Variants in ATRNL1 observed in about 807,000 individuals in gnomAD.
The protein encoded by ATRNL1 is attractin like 1.
Under a neutral mutation model 182.7 loss-of-function variants are expected in ATRNL1, and 95 were observed. The ratio of observed to expected loss-of-function variants is 0.52; its 90% CI spans 0.44 to 0.62. ATRNL1 has a LOEUF of 0.62. Among genes scored for constraint, ATRNL1 ranks in the 20% least tolerant of loss-of-function variants. The probability of loss-of-function intolerance (pLI) is 0.00; values close to 1 mark genes in which losing one functional copy is unlikely to be tolerated. For missense variants in ATRNL1, 1,471 were observed against 1,679.5 expected (o/e 0.88, Z 2.17); for synonymous variants, 576 against 568.3 (o/e 1.01, Z -0.19).
chr10:115,883,950 ACTCTG>A (rs1353942849), intron 28 of ATRNL1, among the ~76,000 whole-genome samples: 6 of 152,278 alleles, frequency 3.9e-5, no homozygotes, highest in Admixed American at 1.3e-4. Flanking sequence ...CTTGGTGTCC[ACTCTG>A]CTCATGGGAC....
chr10:115,300,011 G>A (rs1554923906), intron 15 of ATRNL1, 23 bp from the exon 16 acceptor site: 7 of 1,540,942 alleles, frequency 4.5e-6, no homozygotes, highest in Non-Finnish European at 5.4e-6. Flanking sequence ...TTCTTTGAAT[G>A]CCCCTTTTCC....
chr10:115,713,716 CT>C (rs368653031), intron 26 of ATRNL1, among the ~76,000 whole-genome samples: 41 of 130,770 alleles, frequency 3.1e-4, no homozygotes, highest in African/African-American at 9.0e-4. Context: ...ATCTATCTAT[CT>C]ATCTATCTAT....
chr10:115,729,664 A>G (rs1947728948), intron 27 of ATRNL1, among the ~76,000 whole-genome samples: 1 of 151,902 alleles, frequency 6.6e-6, no homozygotes, highest in African/African-American at 2.4e-5. Flanking sequence ...CCTTATCAAG[A>G]TTCATAGTGA....
chr10:115,913,680 A>G (rs571937180), intron 28 of ATRNL1, among the ~76,000 whole-genome samples: 9 of 152,180 alleles, frequency 5.9e-5, no homozygotes, highest in African/African-American at 9.7e-5. Flanking sequence ...CACTGCTCAC[A>G]TGTTCTAGTT....
intron 26 of ATRNL1, among the ~76,000 whole-genome samples, chr10:115,688,761 G>A (rs182920465): frequency 1.3e-5 from 2 of 152,140 alleles, no homozygotes; most frequent in Middle Eastern, 3.4e-3. Context: ...TCAGGGGGTG[G>A]TCTATTCACT....
chr10:115,254,661 T>G (rs1851038411), intron 10 of ATRNL1, among the ~76,000 whole-genome samples: 1 of 152,250 alleles, frequency 6.6e-6, no homozygotes, highest in Non-Finnish European at 1.5e-5. Flanking sequence ...TTTGTCAATT[T>G]TGGCTTTTGT....
chr10:115,478,593 C>G (rs143282722), intron 24 of ATRNL1, among the ~76,000 whole-genome samples: 37 of 151,772 alleles, frequency 2.4e-4, no homozygotes, highest in African/African-American at 8.2e-4. Context: ...AGTGACTATT[C>G]TACCACCTTT....
In ATRNL1 at chr10:115,160,104, CT is replaced by C; in HGVS notation, c.896del (p.Phe299SerfsTer5). On this transcript the variant is annotated frameshift_variant, in exon 6 of 29. Transcript: ENST00000355044. LOFTEE classifies it high-confidence loss of function. ...ACTGGATTCTGCCAAACGTTAAACC[CT>C]TCAGTCCTTCTGTAGGTCGGGCTTC... ...SYWILPNVKP[F>X]SPSVGRASHK... The C allele has an allele frequency of 6.2e-7, 1 of 1,612,332 alleles. No individual in the cohort carries two copies. The highest frequency in any genetic ancestry group is 1.7e-5 in the Admixed American group (1 of 59,792).
At chr10:115,218,955 G>C (rs1253243295) in intron 9 of ATRNL1, among the ~76,000 whole-genome samples, 1 of 152,154 alleles carries the variant, frequency 6.6e-6, no homozygotes, top group Non-Finnish European at 1.5e-5. Context: ...GAAGACATGC[G>C]GCCGGGTACA....
chr10:115,477,486 A>C (rs753699877), intron 24 of ATRNL1, among the ~76,000 whole-genome samples: 5 of 151,540 alleles, frequency 3.3e-5, no homozygotes, highest in Non-Finnish European at 7.4e-5. Flanking sequence ...TAAAAATCTT[A>C]AGTGAATGAG....
chr10:115,814,908 C>T (rs1950126290), intron 27 of ATRNL1, among the ~76,000 whole-genome samples: 1 of 152,092 alleles, frequency 6.6e-6, no homozygotes, highest in African/African-American at 2.4e-5. Context: ...ATGTCTACAC[C>T]ACAGAATTAC....
intron 8 of ATRNL1, among the ~76,000 whole-genome samples, chr10:115,196,286 C>T (rs2144268627): frequency 6.6e-6 from 1 of 152,224 alleles, no homozygotes; most frequent in African/African-American, 2.4e-5. Context: ...TTTTTGTACT[C>T]TATTCTGGTC....
At chr10:115,914,624 T>G (rs1368102081) in intron 28 of ATRNL1, among the ~76,000 whole-genome samples, 3 of 152,198 alleles carry the variant, frequency 2.0e-5, no homozygotes, top group Non-Finnish European at 2.9e-5. Flanking sequence ...GCCTTTCAGC[T>G]TATCTGGACA....
intron 26 of ATRNL1, among the ~76,000 whole-genome samples, chr10:115,609,139 G>A (rs1857018905): frequency 6.6e-6 from 1 of 152,052 alleles, no homozygotes; most frequent in Non-Finnish European, 1.5e-5. Flanking sequence ...TATGGTTGGT[G>A]AAAATTCCAA....
At chr10:115,200,192 T>C (rs1554892010) in intron 8 of ATRNL1, among the ~76,000 whole-genome samples, 1 of 151,962 alleles carries the variant, frequency 6.6e-6, no homozygotes, top group Non-Finnish European at 1.5e-5. Context: ...TAGCTGCAGA[T>C]TTTTAAAAAT....
At chr10:115,677,033 G>T (rs1945885118) in intron 26 of ATRNL1, among the ~76,000 whole-genome samples, 1 of 151,772 alleles carries the variant, frequency 6.6e-6, no homozygotes, top group Non-Finnish European at 1.5e-5. Context: ...TTTATTTCTG[G>T]CAGCTTTATT....
At chr10:115,856,760 G>A (rs938052393) in intron 28 of ATRNL1, among the ~76,000 whole-genome samples, 5 of 152,076 alleles carry the variant, frequency 3.3e-5, no homozygotes, top group African/African-American at 7.2e-5. Flanking sequence ...GACAGGAGGC[G>A]GAGCTCAGGC....
At chr10:115,914,776 G>A (rs1397470951) in intron 28 of ATRNL1, among the ~76,000 whole-genome samples, 2 of 152,114 alleles carry the variant, frequency 1.3e-5, no homozygotes, top group Non-Finnish European at 2.9e-5. Flanking sequence ...AATGAGTATG[G>A]GCTTTGCAGT....
At chr10:115,306,814 TAA>T (rs1853757041) in intron 17 of ATRNL1, among the ~76,000 whole-genome samples, 1 of 152,194 alleles carries the variant, frequency 6.6e-6, no homozygotes. Flanking sequence ...TTATTTGAAA[TAA>T]GTTTTTTGAG....
Sources: gnomAD v4.1 joint callset for allele counts (sites outside exome capture counted in the v4.1 genomes callset) on GRCh38, gnomAD v4.1.1 for gene constraint, MANE v1.5 for transcripts, NCBI Gene and HGNC (gene_info 2026-07-23, HGNC 2026-07-21) for gene names.